MASP1: variants seen among roughly 807,000 people sequenced by gnomAD.
MASP1 encodes mannan-binding lectin serine protease 1.
MASP1 carries 59 observed loss-of-function variants against 77.1 expected under a neutral mutation model. That is an observed-to-expected ratio of 0.77 (90% CI 0.62 to 0.95). The LOEUF (loss-of-function observed/expected upper bound fraction) is 0.95. MASP1 is among the 40% of genes least tolerant of loss of function. MASP1 has a pLI of 0.00. For missense variants in MASP1, 885 were observed against 912.9 expected (o/e 0.97, Z 0.39); for synonymous variants, 362 against 354.5 (o/e 1.02, Z -0.24).
chr3:187,231,657 C>G (rs1293724845), downstream of MASP1, among the ~76,000 whole-genome samples: 11 of 152,240 alleles, frequency 7.2e-5, no homozygotes, highest in Admixed American at 7.2e-4. Context: ...TAGGAATTCG[C>G]TGTGCACTGT....
chr3:187,239,207 G>T (rs1299061076), intron 10 of MASP1, among the ~76,000 whole-genome samples: 1 of 143,920 alleles, frequency 6.9e-6, no homozygotes, highest in Non-Finnish European at 1.5e-5. Flanking sequence ...AAAAAAAAAA[G>T]TCAGGCATGG....
intron 5 of MASP1, among the ~76,000 whole-genome samples, chr3:187,254,958 T>G (rs1168758636): frequency 6.6e-6 from 1 of 152,144 alleles, no homozygotes; most frequent in Non-Finnish European, 1.5e-5. Context: ...GTTGTGTGCT[T>G]GGGTGAGGCT....
chr3:187,256,763 G>A lies in MASP1; in HGVS notation c.645C>T (p.Thr215=), dbSNP rs1356361201. The A allele has an allele frequency of 6.2e-7, 1 of 1,613,800 alleles. No homozygotes were observed. Among genetic ancestry groups the A allele is most frequent in the African/African-American group, 1.3e-5 (1 of 74,808 alleles). ...CCATGAAACCCTCCTCCAGCTCGAT[G>A]GTATACAGGCATTCAGAGCTCTTGG... is the stretch of plus-strand genomic sequence containing the variant. The part of the protein sequence containing the change: ...PYPKSSECLY[T]IELEEGFMVN... The change falls in exon 5 of 11, where the codon ACC becomes ACT. Residue 215 remains threonine, a synonymous_variant. Coordinates refer to ENST00000296280, the MANE Select transcript of MASP1 (RefSeq NM_139125.4).
chr3:187,291,271 C>G, intron 1 of MASP1: 1 of 408,136 alleles, frequency 2.5e-6, no homozygotes, highest in Non-Finnish European at 4.7e-6. Context: ...GAAAGCAATG[C>G]TCTTTCCAGA....
At chr3:187,288,048 A>C (rs1365443145) in intron 1 of MASP1, among the ~76,000 whole-genome samples, 3 of 152,222 alleles carry the variant, frequency 2.0e-5, no homozygotes, top group Non-Finnish European at 4.4e-5. Context: ...ATTTTTGTGC[A>C]TATAAAATGT....
intron 8 of MASP1, chr3:187,246,592 C>T: frequency 1.0e-6 from 1 of 985,648 alleles, no homozygotes; most frequent in Non-Finnish European, 1.2e-6. Context: ...AGCTGCCACT[C>T]CCCAGCCCTT....
chr3:187,230,943 G>T (rs377227854), downstream of MASP1, among the ~76,000 whole-genome samples: 2 of 152,180 alleles, frequency 1.3e-5, no homozygotes, highest in African/African-American at 2.4e-5. Flanking sequence ...GCAGTCACCT[G>T]CTACCTTTGT....
intron 11 of MASP1, among the ~76,000 whole-genome samples, chr3:187,228,020 A>G (rs1209562748): frequency 1.8e-4 from 28 of 152,200 alleles, no homozygotes. Flanking sequence ...GGGTTGCTGC[A>G]GGGAGTGCGA....
Position 187,235,760 on chromosome 3 carries a change from A to G in MASP1, c.2111T>C (p.Val704Ala), listed in dbSNP as rs995115629. 1 of 1,613,870 alleles carries G rather than the reference A, an allele frequency of 6.2e-7. No individual in the cohort carries two copies. Among genetic ancestry groups the G allele is most frequent in the South Asian group, 1.1e-5 (1 of 91,050 alleles). The change falls in exon 11 of 11, where the codon GTC becomes GCC. Residue 704 changes from valine to alanine, a missense_variant. Coordinates refer to ENST00000296280, the MANE Select transcript of MASP1 (RefSeq NM_139125.4). Reference protein sequence around the residue: ...SKQVYGVYTKVSNYVDWVWEQ... With the variant: ...SKQVYGVYTKASNYVDWVWEQ... ...CCACACCCAGTCCACGTAATTGGAG[A>G]CCTTTGTGTAGACTCCATAGACCTG... is the stretch of plus-strand genomic sequence containing the variant.
At chr3:187,257,722 G>A (rs1031387000) in intron 4 of MASP1, among the ~76,000 whole-genome samples, 14 of 151,858 alleles carry the variant, frequency 9.2e-5, no homozygotes, top group Non-Finnish European at 1.9e-4. Context: ...AGGGTTCTGC[G>A]TACATGGTGA....
At chr3:187,285,199 G>T (rs1444129120) in intron 2 of MASP1, among the ~76,000 whole-genome samples, 3 of 151,670 alleles carry the variant, frequency 2.0e-5, no homozygotes, top group Non-Finnish European at 1.5e-5. Context: ...AGGGTATATT[G>T]TTTTGATGTG....
intron 2 of MASP1, among the ~76,000 whole-genome samples, chr3:187,278,302 C>T (rs1717126186): frequency 6.6e-6 from 1 of 152,224 alleles, no homozygotes; most frequent in Non-Finnish European, 1.5e-5. Flanking sequence ...ACTGATTCCA[C>T]TTAGACCCTC....
intron 14 of MASP1, among the ~76,000 whole-genome samples, chr3:187,222,272 C>T (rs1450043975): frequency 1.3e-5 from 2 of 152,144 alleles, no homozygotes; most frequent in African/African-American, 4.8e-5. Context: ...ACATCCATAA[C>T]TACTTTCTGT....
In MASP1 at chr3:187,256,675, C is replaced by A; in HGVS notation, c.733G>T (p.Asp245Tyr). The A allele has an allele frequency of 6.2e-7, 1 of 1,613,948 alleles. No individual in the cohort carries two copies. Among genetic ancestry groups the A allele is most frequent in the South Asian group, 1.1e-5 (1 of 91,048 alleles). The part of the protein sequence containing the change: ...EDHPEVPCPY[D>Y]YIKIKVGPKV... ...CATTGCAGGCTCACCTTGATGTAGT[C>A]ATAGGGGCAGGGCACCTCAGGATGG... is the stretch of plus-strand genomic sequence containing the variant. The change falls in exon 5 of 11, where the codon GAC becomes TAC. Residue 245 changes from aspartate to tyrosine, a missense_variant. Transcript: ENST00000296280.
chr3:187,271,111 A>T (rs982915269), intron 2 of MASP1, among the ~76,000 whole-genome samples: 3 of 152,192 alleles, frequency 2.0e-5, no homozygotes, highest in Non-Finnish European at 4.4e-5. Context: ...GGAGAACCAC[A>T]ATCTCATGGG....
At chr3:187,246,885 A>T in intron 8 of MASP1, 1 of 1,025,938 alleles carries the variant, frequency 9.7e-7, no homozygotes, top group Non-Finnish European at 1.2e-6. Context: ...AGAAAGCAGC[A>T]ACAGGTAATA....
intron 11 of MASP1, among the ~76,000 whole-genome samples, chr3:187,228,368 C>T (rs146057464): frequency 1.8e-4 from 27 of 152,134 alleles, no homozygotes; most frequent in Middle Eastern, 6.8e-3. Context: ...CTCTTACTTG[C>T]CCTCTAACAA....
chr3:187,290,381 G>A (rs1162352457), intron 1 of MASP1, among the ~76,000 whole-genome samples: 1 of 152,204 alleles, frequency 6.6e-6, no homozygotes, highest in Non-Finnish European at 1.5e-5. Context: ...ACTCAGCCAA[G>A]TAGTTTGATA....
intron 7 of MASP1, 183 bp downstream of exon 7, chr3:187,251,451 A>T: frequency 1.7e-6 from 1 of 601,984 alleles, no homozygotes; most frequent in Non-Finnish European, 3.0e-6. Flanking sequence ...CCACTTTCAG[A>T]GTGTGAGACC....
Sources: gnomAD v4.1 joint callset for allele counts (sites outside exome capture counted in the v4.1 genomes callset) on GRCh38, gnomAD v4.1.1 for gene constraint, MANE v1.5 for transcripts, NCBI Gene and HGNC (gene_info 2026-07-23, HGNC 2026-07-21) for gene names.